SLC4A4: variants seen among roughly 807,000 people sequenced by gnomAD.
SLC4A4 encodes electrogenic sodium bicarbonate cotransporter 1.
A neutral mutation model predicts 111.5 loss-of-function variants in SLC4A4; 27 were observed. The observed-to-expected ratio is 0.24, with a 90% confidence interval of 0.18 to 0.33. The LOEUF is 0.33. Ranked by LOEUF, SLC4A4 falls within the 10% of genes least tolerant of loss-of-function variation. SLC4A4 has a pLI of 1.00. For synonymous variants in SLC4A4, 443 were observed against 463.4 expected, an observed-to-expected ratio of 0.96 and a Z score of 0.57; for missense variants, 909 against 1,315.5, an observed-to-expected ratio of 0.69 and a Z score of 4.78.
At chr4:71,398,147 C>A (rs1031368819) in intron 7 of SLC4A4, among the ~76,000 whole-genome samples, 2 of 151,816 alleles carry the variant, frequency 1.3e-5, no homozygotes, top group Non-Finnish European at 2.9e-5. Flanking sequence ...TAGCCAGGCA[C>A]GGTGGCACAG....
chr4:71,236,692 T>A, intron 2 of SLC4A4, 43 bp downstream of exon 2: 1 of 1,461,946 alleles, frequency 6.8e-7, no homozygotes, highest in Non-Finnish European at 9.6e-7. Flanking sequence ...GACATACATA[T>A]GTCTCTATAG....
At chr4:71,215,116 C>G (rs1458037463) in intron 1 of SLC4A4, among the ~76,000 whole-genome samples, 1 of 152,156 alleles carries the variant, frequency 6.6e-6, no homozygotes, top group African/African-American at 2.4e-5. Context: ...AAGTAATACC[C>G]TATGCTATTA....
chr4:71,515,721 A>G (rs1439414769), intron 16 of SLC4A4, among the ~76,000 whole-genome samples: 1 of 152,168 alleles, frequency 6.6e-6, no homozygotes, highest in Non-Finnish European at 1.5e-5. Flanking sequence ...TTTCATATAA[A>G]ATGACTTTTT....
chr4:71,134,416 A>G (rs1743790615), intron 2 of SLC4A4, among the ~76,000 whole-genome samples: 1 of 152,226 alleles, frequency 6.6e-6, no homozygotes, highest in African/African-American at 2.4e-5. Context: ...TAGTGCTTAT[A>G]AGGCTTGTTG....
At chr4:71,086,533 C>A (rs1742180078) in intron 1 of SLC4A4, among the ~76,000 whole-genome samples, 1 of 152,004 alleles carries the variant, frequency 6.6e-6, no homozygotes, top group Non-Finnish European at 1.5e-5. Flanking sequence ...GTGATATTGG[C>A]TGTGGGTTTA....
At chr4:71,169,319 T>C (rs1744875664) in intron 2 of SLC4A4, among the ~76,000 whole-genome samples, 2 of 151,998 alleles carry the variant, frequency 1.3e-5, no homozygotes, top group South Asian at 4.1e-4. Context: ...CCAGCCTCTA[T>C]TTTTATTTTT....
chr4:71,261,493 G>A (rs1048133008), intron 3 of SLC4A4, among the ~76,000 whole-genome samples: 3 of 152,154 alleles, frequency 2.0e-5, no homozygotes, highest in Non-Finnish European at 4.4e-5. Flanking sequence ...AAAATATTTG[G>A]CATACTTGTG....
intron 2 of SLC4A4, among the ~76,000 whole-genome samples, chr4:71,100,061 C>T (rs1190576323): frequency 6.6e-6 from 1 of 152,034 alleles, no homozygotes; most frequent in Admixed American, 6.6e-5. Context: ...TGAAACTATT[C>T]CAAAAAATTG....
At chr4:71,099,336 T>C (rs1373006256) in intron 2 of SLC4A4, among the ~76,000 whole-genome samples, 1 of 152,170 alleles carries the variant, frequency 6.6e-6, no homozygotes, top group Non-Finnish European at 1.5e-5. Flanking sequence ...TTAAGCAACA[T>C]GCTGAATGAC....
chr4:71,189,374 A>G (rs749859079), intron 1 of SLC4A4, among the ~76,000 whole-genome samples: 1 of 152,216 alleles, frequency 6.6e-6, no homozygotes, highest in Non-Finnish European at 1.5e-5. Flanking sequence ...TGTTAGTACT[A>G]TGATTTCAGT....
At chr4:71,072,161 C>T (rs1171000631) in intron 1 of SLC4A4, among the ~76,000 whole-genome samples, 1 of 152,076 alleles carries the variant, frequency 6.6e-6, no homozygotes, top group African/African-American at 2.4e-5. Context: ...GTCTTCCCTA[C>T]CCTGAGTCTA....
chr4:71,427,328 C>A lies in SLC4A4; in HGVS notation c.808-13288C>A, dbSNP rs533875249. ...CTGAATGCATGTTTGCAGCTTCATT[C>A]CACAAGTTTTGATATGTCATGTGTT... is the stretch of plus-strand genomic sequence containing the variant. On this transcript the variant is annotated intron_variant, in intron 7 of 25. Coordinates refer to ENST00000264485, the MANE Select transcript of SLC4A4 (RefSeq NM_001098484.3). 2.0e-5 allele frequency among the ~76,000 whole-genome samples: 3 copies of A among 151,906 alleles called. No homozygotes were observed. In the South Asian group the frequency reaches 6.2e-4, roughly 32 times the overall value.
At chr4:71,527,813 G>T (rs544686281) in intron 16 of SLC4A4, among the ~76,000 whole-genome samples, 39 of 152,148 alleles carry the variant, frequency 2.6e-4, no homozygotes, top group Middle Eastern at 3.4e-3. Flanking sequence ...CTGGAATTTG[G>T]AAGAGTGGTC....
intron 3 of SLC4A4, among the ~76,000 whole-genome samples, chr4:71,272,689 C>G (rs529389365): frequency 6.6e-6 from 1 of 152,204 alleles, no homozygotes; most frequent in African/African-American, 2.4e-5. Context: ...GTGCACAGTT[C>G]CACATCATAA....
chr4:71,233,395 G>A (rs1264758970), intron 1 of SLC4A4: 6 of 695,428 alleles, frequency 8.6e-6, no homozygotes, highest in Non-Finnish European at 1.1e-5. Context: ...ATCTTTCTCA[G>A]CCACTCGGTA....
At chr4:71,457,995 A>G (rs1389272587) in intron 12 of SLC4A4, among the ~76,000 whole-genome samples, 1 of 152,084 alleles carries the variant, frequency 6.6e-6, no homozygotes, top group African/African-American at 2.4e-5. Flanking sequence ...ATTTATTGTT[A>G]TATTGTTATG....
intron 6 of SLC4A4, among the ~76,000 whole-genome samples, chr4:71,361,265 A>G (rs1730758667): frequency 6.6e-6 from 1 of 152,240 alleles, no homozygotes; most frequent in Non-Finnish European, 1.5e-5. Context: ...TTACTGGCAC[A>G]TCCACTACCA....
intron 7 of SLC4A4, among the ~76,000 whole-genome samples, chr4:71,432,951 C>T (rs907888723): frequency 2.0e-4 from 31 of 152,136 alleles, no homozygotes; most frequent in South Asian, 1.0e-3. Flanking sequence ...AGGGGAGAGA[C>T]ATTTATATTG....
At chr4:71,431,997 G>C (rs1008278477) in intron 7 of SLC4A4, among the ~76,000 whole-genome samples, 1 of 152,130 alleles carries the variant, frequency 6.6e-6, no homozygotes, top group South Asian at 2.1e-4. Flanking sequence ...AGTGGAGAAT[G>C]AACTGATCTT....
Sources: allele counts gnomAD v4.1 joint callset (sites outside exome capture counted in the v4.1 genomes callset), GRCh38; gene constraint gnomAD v4.1.1; transcripts MANE v1.5; gene names NCBI Gene and HGNC (gene_info 2026-07-23, HGNC 2026-07-21).